PHACTR2: variants seen among roughly 807,000 people sequenced by gnomAD.
PHACTR2 encodes phosphatase and actin regulator 2.
In PHACTR2, 30 loss-of-function variants were observed where a neutral mutation model predicts 76.0. That is an observed-to-expected ratio of 0.39 (90% CI 0.30 to 0.54). The LOEUF is 0.54. Ranked by LOEUF, PHACTR2 falls within the 20% of genes least tolerant of loss-of-function variation. PHACTR2 has a pLI of 0.61. For missense variants in PHACTR2, 696 were observed against 781.1 expected (o/e 0.89, Z 1.30); for synonymous variants, 292 against 292.5 (o/e 1.00, Z 0.02).
At chr6:143,622,539 G>T (rs1436189623) in intron 1 of PHACTR2, among the ~76,000 whole-genome samples, 1 of 152,160 alleles carries the variant, frequency 6.6e-6, no homozygotes, top group Non-Finnish European at 1.5e-5. Context: ...TTCTGCCATT[G>T]TTACCAAGCT....
chr6:143,805,202 G>T (rs2003729), intron 11 of PHACTR2, among the ~76,000 whole-genome samples: 1 of 151,946 alleles, frequency 6.6e-6, no homozygotes, highest in African/African-American at 2.4e-5. Flanking sequence ...CCTTTCGGCC[G>T]GGCACGGTGG....
chr6:143,541,781 G>C lies in PHACTR2; in HGVS notation c.217+4574G>C, dbSNP rs1036013803. Among the ~76,000 whole-genome samples the C allele has an allele frequency of 2.6e-5, 4 of 152,204 alleles. No homozygotes were observed. Among genetic ancestry groups the C allele is most frequent in the African/African-American group, 9.7e-5 (4 of 41,446 alleles). On this transcript the variant is annotated intron_variant, in intron 1 of 11. Coordinates refer to the PHACTR2 transcript ENST00000367584. The surrounding 1 kb of genome is among the most constrained non-coding windows in gnomAD (Gnocchi z 5.3). ...CATGAGATACTGCTGTCCAAGACCA[G>C]TTCTGCTGTTGGGTCACCTGTGCTG...
chr6:143,707,139 A>G (rs1778072474), intron 1 of PHACTR2, among the ~76,000 whole-genome samples: 1 of 152,026 alleles, frequency 6.6e-6, no homozygotes, highest in Non-Finnish European at 1.5e-5. Flanking sequence ...AAAAATATAC[A>G]CAGATAATCT....
chr6:143,830,525 C>G lies in PHACTR2; in HGVS notation c.*6836C>G, dbSNP rs1409722516. On this transcript the variant is annotated 3_prime_UTR_variant, in exon 13 of 13. Coordinates refer to ENST00000440869, the MANE Select transcript of PHACTR2 (RefSeq NM_001100164.2). ...ACATGACAGTTTCTCTTTTGTTGTT[C>G]TTATCTGTACTGTATTATAGTATGT... 6.6e-6 allele frequency: 1 copy of G among 151,992 alleles called. No homozygotes were observed. Among genetic ancestry groups the G allele is most frequent in the African/African-American group, 2.4e-5 (1 of 41,398 alleles). 9.4% of individuals were successfully genotyped at this position (151,992 alleles called of 1,614,324 possible).
chr6:143,821,684 A>G lies in PHACTR2; in HGVS notation c.1923-1990A>G, dbSNP rs528176595. On this transcript the variant is annotated intron_variant, in intron 12 of 12. Coordinates refer to ENST00000440869, the MANE Select transcript of PHACTR2 (RefSeq NM_001100164.2). The surrounding 1 kb of genome is among the most constrained non-coding windows in gnomAD (Gnocchi z 5.2). Reference sequence around the variant, plus strand: ...TGAGACTGCATAAAGCGCAGATGGTAAGAGAGATAAAGGTAGAAGAAAGAG... The same window carrying G: ...TGAGACTGCATAAAGCGCAGATGGTGAGAGAGATAAAGGTAGAAGAAAGAG... Among the ~76,000 whole-genome samples the G allele has an allele frequency of 6.6e-6, 1 of 152,350 alleles. No individual in the cohort carries two copies. Among genetic ancestry groups the G allele is most frequent in the South Asian group, 2.1e-4 (1 of 4,824 alleles).
rs1365513243 is a variant in PHACTR2 at position 143,570,987 on chromosome 6, TA to T, written c.217+33786del. ...TTATATTCCTATTTTTCATGAAATT[TA>T]AAAAACTTTCTAATTTAAGATCATT... On this transcript the variant is annotated intron_variant, in intron 1 of 11. Coordinates refer to the PHACTR2 transcript ENST00000367584. This position sits in a 1 kb window ranked among gnomAD's most constrained non-coding sequence, Gnocchi z 4.6. Among the ~76,000 whole-genome samples, 1 of 152,196 alleles carries T rather than the reference TA, an allele frequency of 6.6e-6. No individual in the cohort carries two copies. Among genetic ancestry groups the T allele is most frequent in the African/African-American group, 2.4e-5 (1 of 41,450 alleles).
At chr6:143,693,779 T>C (rs1777705455) in intron 1 of PHACTR2, among the ~76,000 whole-genome samples, 1 of 152,206 alleles carries the variant, frequency 6.6e-6, no homozygotes, top group African/African-American at 2.4e-5. Context: ...CAATGGAAAT[T>C]AACCAGTGTG....
At position 143,807,160 on chromosome 6, in the gene PHACTR2, T is replaced by C. The variant is rs1776083626; in HGVS notation, c.1922+27T>C. The C allele has an allele frequency of 7.3e-7, 1 of 1,361,792 alleles. No homozygotes were observed. Among genetic ancestry groups the C allele is most frequent in the Non-Finnish European group, 1.0e-6 (1 of 960,344 alleles). 84.4% of individuals were successfully genotyped at this position (1,361,792 alleles called of 1,614,324 possible). Reference sequence around the variant, plus strand: ...TAGGTGACAAAATGCAGCTTAGAAATTGAAAATGCTTAAGATGTGATCCCA... The same window carrying C: ...TAGGTGACAAAATGCAGCTTAGAAACTGAAAATGCTTAAGATGTGATCCCA... On this transcript the variant is annotated intron_variant, in intron 12 of 12. Transcript: ENST00000440869. This position sits in a 1 kb window ranked among gnomAD's most constrained non-coding sequence, Gnocchi z 5.5.
chr6:143,567,155 C>T (rs935249705), intron 1 of PHACTR2, among the ~76,000 whole-genome samples: 3 of 152,102 alleles, frequency 2.0e-5, no homozygotes, highest in Non-Finnish European at 2.9e-5. Flanking sequence ...TTCACTACCT[C>T]GAAGTACCAA....
rs1744205671 is a variant in PHACTR2, at chr6:143,684,653, C to T, written c.46+6444C>T. ...TTCTGTTTCTGTACTCTGTCACCACCACTGAATATCAGGGTCACTCTTAGC... is the reference window on the plus strand; with the variant it reads ...TTCTGTTTCTGTACTCTGTCACCACTACTGAATATCAGGGTCACTCTTAGC... On this transcript the variant is annotated intron_variant, in intron 1 of 12. Coordinates refer to ENST00000440869, the MANE Select transcript of PHACTR2 (RefSeq NM_001100164.2). The surrounding 1 kb of genome is among the most constrained non-coding windows in gnomAD (Gnocchi z 4.3). 6.6e-6 allele frequency among the ~76,000 whole-genome samples: 1 copy of T among 152,204 alleles called. No homozygotes were observed. Among genetic ancestry groups the T allele is most frequent in the Non-Finnish European group, 1.5e-5 (1 of 68,026 alleles).
rs891300678 is a variant in PHACTR2, at chr6:143,830,922, C to A, written c.*7233C>A. On this transcript the variant is annotated 3_prime_UTR_variant, in exon 13 of 13. Coordinates refer to ENST00000440869, the MANE Select transcript of PHACTR2 (RefSeq NM_001100164.2). ...AAGAGTAAGACAACTTCCCTAATTGCCTGTTATTTCAGCTTCACCTAAGTT... is the reference window on the plus strand; with the variant it reads ...AAGAGTAAGACAACTTCCCTAATTGACTGTTATTTCAGCTTCACCTAAGTT... 2.0e-5 allele frequency: 3 copies of A among 152,148 alleles called. No homozygotes were observed. Among genetic ancestry groups the A allele is most frequent in the African/African-American group, 7.2e-5 (3 of 41,436 alleles). The allele number at this position is 152,148 out of a possible 1,614,324, so 9.4% of individuals were successfully genotyped here.
At chr6:143,587,916 G>A (rs1775646531) in intron 1 of PHACTR2, among the ~76,000 whole-genome samples, 1 of 152,016 alleles carries the variant, frequency 6.6e-6, no homozygotes, top group African/African-American at 2.4e-5. Context: ...AGGAGGCTGA[G>A]GCAAAAGAAT....
chr6:143,745,653 T>A (rs1200237161), intron 2 of PHACTR2, among the ~76,000 whole-genome samples: 1 of 152,272 alleles, frequency 6.6e-6, no homozygotes, highest in East Asian at 1.9e-4. Context: ...GAGATACTTG[T>A]ACTGCTGTGA....
At chr6:143,665,148 GATTA>G (rs1331569758) in intron 1 of PHACTR2, among the ~76,000 whole-genome samples, 1 of 152,144 alleles carries the variant, frequency 6.6e-6, no homozygotes, top group East Asian at 1.9e-4. Flanking sequence ...TGTTTTCAGT[GATTA>G]ATTACTTTTA....
intron 1 of PHACTR2, among the ~76,000 whole-genome samples, chr6:143,594,734 A>C (rs1775728610): frequency 6.6e-6 from 1 of 152,242 alleles, no homozygotes; most frequent in South Asian, 2.1e-4. Context: ...CCAGCCGCAC[A>C]TGGGCTTCCT....
chr6:143,555,298 C>G (rs1397879491), intron 1 of PHACTR2: 1 of 152,100 alleles, frequency 6.6e-6, no homozygotes, highest in Non-Finnish European at 1.5e-5. Context: ...CTGTGAAATT[C>G]AGGATATTTT....
intron 1 of PHACTR2, among the ~76,000 whole-genome samples, chr6:143,612,581 A>G (rs752031041): frequency 6.8e-6 from 1 of 147,656 alleles, no homozygotes; most frequent in Admixed American, 6.8e-5. Context: ...TAACCATGAT[A>G]CTTTTTAGAA....
At chr6:143,681,089 G>T (rs921779471) in intron 1 of PHACTR2, among the ~76,000 whole-genome samples, 2 of 152,140 alleles carry the variant, frequency 1.3e-5, no homozygotes, top group Non-Finnish European at 2.9e-5. Flanking sequence ...TTGTTGTGAA[G>T]ATATGTTTTC....
At chr6:143,677,912 T>A (rs1582761227), upstream of PHACTR2, 232 of 92,594 alleles carry the variant, frequency 2.5e-3, no homozygotes, top group South Asian at 3.3e-3. Flanking sequence ...CTCACCCCCC[T>A]TCTTCCCCCG....
Sources: allele counts gnomAD v4.1 joint callset (sites outside exome capture counted in the v4.1 genomes callset), GRCh38; gene constraint gnomAD v4.1.1; non-coding constraint Gnocchi (gnomAD v3.1); transcripts MANE v1.5; gene names NCBI Gene and HGNC (gene_info 2026-07-23, HGNC 2026-07-21).